The following LRRTM4 variants were observed in gnomAD, a reference collection of about 807,000 sequenced individuals.
The protein encoded by LRRTM4 is leucine-rich repeat transmembrane neuronal protein 4.
In LRRTM4, 25 loss-of-function variants were observed where a neutral mutation model predicts 47.6. The ratio of observed to expected loss-of-function variants is 0.53; its 90% CI spans 0.38 to 0.73. The LOEUF (loss-of-function observed/expected upper bound fraction) is 0.73. Among genes scored for constraint, LRRTM4 ranks in the 30% least tolerant of loss-of-function variants. LRRTM4 has a pLI of 0.00. For missense variants in LRRTM4, 638 were observed against 713.4 expected, an observed-to-expected ratio of 0.89 and a Z score of 1.20; for synonymous variants, 311 against 269.5, an observed-to-expected ratio of 1.15 and a Z score of -1.51.
chr2:77,091,014 G>C, intron 3 of LRRTM4, among the ~76,000 whole-genome samples: 1 of 152,072 alleles, frequency 6.6e-6, no homozygotes, highest in East Asian at 1.9e-4. Flanking sequence ...GAACTGTTGT[G>C]GGTATTGACG....
At chr2:77,042,592 A>G (rs1057426998) in intron 3 of LRRTM4, among the ~76,000 whole-genome samples, 1 of 151,758 alleles carries the variant, frequency 6.6e-6, no homozygotes, top group African/African-American at 2.4e-5. Context: ...ATTTTTGTAC[A>G]GGAATAAAAT....
chr2:76,810,425 AC>A (rs1448461357), intron 3 of LRRTM4, among the ~76,000 whole-genome samples: 1 of 152,198 alleles, frequency 6.6e-6, no homozygotes, highest in Non-Finnish European at 1.5e-5. Flanking sequence ...TAATCTTATC[AC>A]ACTGAGTTTT....
intron 3 of LRRTM4, among the ~76,000 whole-genome samples, chr2:76,768,633 T>C (rs1673550103): frequency 1.3e-5 from 2 of 152,146 alleles, no homozygotes; most frequent in African/African-American, 4.8e-5. Context: ...AAGTTTATGA[T>C]TGTAAATTCA....
intron 3 of LRRTM4, among the ~76,000 whole-genome samples, chr2:76,815,121 AAAAG>A (rs1313238039): frequency 3.3e-5 from 5 of 152,016 alleles, no homozygotes; most frequent in Admixed American, 6.6e-5. Context: ...TAAAAATAAG[AAAAG>A]AAATAAATAA....
At chr2:77,255,203 G>C (rs980396450) in intron 3 of LRRTM4, among the ~76,000 whole-genome samples, 1 of 151,844 alleles carries the variant, frequency 6.6e-6, no homozygotes, top group East Asian at 1.9e-4. Flanking sequence ...AGCGATAAAA[G>C]GGCAAATCCA....
At chr2:76,994,256 A>C (rs1039401947) in intron 3 of LRRTM4, among the ~76,000 whole-genome samples, 1 of 151,726 alleles carries the variant, frequency 6.6e-6, no homozygotes, top group Non-Finnish European at 1.5e-5. Flanking sequence ...TATCCCCTTG[A>C]ATCTAAAGCA....
chr2:77,098,174 TA>T (rs899897460), intron 3 of LRRTM4, among the ~76,000 whole-genome samples: 4 of 151,504 alleles, frequency 2.6e-5, no homozygotes, highest in African/African-American at 9.7e-5. Context: ...TGATGCCATT[TA>T]AAAAAAAATT....
At chr2:76,895,845 C>T (rs1673399295) in intron 3 of LRRTM4, among the ~76,000 whole-genome samples, 1 of 152,050 alleles carries the variant, frequency 6.6e-6, no homozygotes, top group Admixed American at 6.6e-5. Context: ...CGATTACTTA[C>T]CTTGACAACT....
At chr2:77,138,704 A>G (rs986678094) in intron 3 of LRRTM4, among the ~76,000 whole-genome samples, 2 of 152,178 alleles carry the variant, frequency 1.3e-5, no homozygotes, top group Admixed American at 6.5e-5. Context: ...TGAAAAGATC[A>G]ACAAAATTGA....
intron 3 of LRRTM4, among the ~76,000 whole-genome samples, chr2:76,876,577 T>A (rs552057952): frequency 6.6e-6 from 1 of 152,198 alleles, no homozygotes; most frequent in East Asian, 1.9e-4. Flanking sequence ...TTTTCGTATA[T>A]GCCTTGGGTC....
intron 3 of LRRTM4, among the ~76,000 whole-genome samples, chr2:77,265,394 G>T (rs1676024542): frequency 6.6e-6 from 1 of 152,020 alleles, no homozygotes; most frequent in African/African-American, 2.4e-5. Flanking sequence ...TATTCTGGGT[G>T]TTAGAGTCTT....
intron 3 of LRRTM4, among the ~76,000 whole-genome samples, chr2:77,140,328 A>C (rs1407767757): frequency 1.3e-5 from 2 of 152,192 alleles, no homozygotes; most frequent in South Asian, 4.1e-4. Flanking sequence ...CCACACATCT[A>C]CAACCATCTG....
chr2:76,944,270 C>T (rs940028512), intron 3 of LRRTM4, among the ~76,000 whole-genome samples: 7 of 152,068 alleles, frequency 4.6e-5, no homozygotes, highest in Non-Finnish European at 7.4e-5. Context: ...ACTCATCTTC[C>T]TATGTCATCT....
intron 3 of LRRTM4, among the ~76,000 whole-genome samples, chr2:77,311,532 C>G (rs1677457662): frequency 6.6e-6 from 1 of 152,174 alleles, no homozygotes; most frequent in South Asian, 2.1e-4. Context: ...ATTGATGGCA[C>G]TACTGCCTGT....
At chr2:77,453,998 T>C (rs1451198018) in intron 3 of LRRTM4, among the ~76,000 whole-genome samples, 1 of 152,194 alleles carries the variant, frequency 6.6e-6, no homozygotes, top group Non-Finnish European at 1.5e-5. Flanking sequence ...CGAAGTTTCT[T>C]TGAATACCTT....
rs1672698562 is a variant in LRRTM4, at chr2:76,747,816, T to C, written c.*879A>G. ...AAGCAATGTTACACATTATCTTGTG[T>C]TTAGAAATTTGTCAGCTTGGCAGTT... On this transcript the variant is annotated 3_prime_UTR_variant, in exon 4 of 4. Transcript: ENST00000409884. 2 of 152,246 alleles carry C rather than the reference T, an allele frequency of 1.3e-5. No individual in the cohort carries two copies. The highest frequency in any genetic ancestry group is 4.8e-5 in the African/African-American group (2 of 41,472). 9.4% of individuals were successfully genotyped at this position (152,246 alleles called of 1,614,324 possible). A position where few individuals can be genotyped will look rare whatever the true frequency, so the allele number is the denominator to read the frequency against.
chr2:77,116,265 T>C (rs1338590800), intron 3 of LRRTM4, among the ~76,000 whole-genome samples: 1 of 151,496 alleles, frequency 6.6e-6, no homozygotes, highest in Non-Finnish European at 1.5e-5. Flanking sequence ...AGTATTTGAG[T>C]TTGAAAAAAA....
intron 3 of LRRTM4, among the ~76,000 whole-genome samples, chr2:77,411,837 T>G (rs948298786): frequency 1.3e-5 from 2 of 151,862 alleles, no homozygotes; most frequent in African/African-American, 4.8e-5. Context: ...TTTAGACAAT[T>G]TAAAAAAGGC....
At chr2:77,090,875 A>G (rs1463238321) in intron 3 of LRRTM4, among the ~76,000 whole-genome samples, 2 of 152,078 alleles carry the variant, frequency 1.3e-5, no homozygotes, top group Non-Finnish European at 2.9e-5. Flanking sequence ...GCAGCCCCCT[A>G]GACCATCACG....
Sources: allele counts gnomAD v4.1 joint callset (sites outside exome capture counted in the v4.1 genomes callset), GRCh38; gene constraint gnomAD v4.1.1; transcripts MANE v1.5; gene names NCBI Gene and HGNC (gene_info 2026-07-23, HGNC 2026-07-21).